Variants in LMBR1 observed in about 807,000 individuals in gnomAD.
LMBR1 encodes limb region 1 protein homolog.
In LMBR1, 52 loss-of-function variants were observed where a neutral mutation model predicts 73.9. The observed-to-expected ratio is 0.70, with a 90% CI of 0.56 to 0.89. The LOEUF is 0.89. LMBR1 is among the 40% of genes least tolerant of loss of function. The pLI is 0.00. For missense variants in LMBR1, 539 were observed against 579.8 expected (o/e 0.93, Z 0.72); for synonymous variants, 215 against 209.4 (o/e 1.03, Z -0.23).
downstream of LMBR1, chr7:156,676,424 G>C: frequency 6.2e-7 from 1 of 1,614,060 alleles, no homozygotes; most frequent in South Asian, 1.1e-5. Flanking sequence ...CGCAGGCTCT[G>C]CGCCGGGAGA....
chr7:156,801,532 T>G (rs139363966), intron 4 of LMBR1, among the ~76,000 whole-genome samples: 2 of 152,336 alleles, frequency 1.3e-5, no homozygotes, highest in African/African-American at 4.8e-5. Context: ...GTTAGGTATG[T>G]AACATAGTAG....
intron 15 of LMBR1, among the ~76,000 whole-genome samples, chr7:156,702,566 T>C (rs1810010927): frequency 6.6e-6 from 1 of 152,170 alleles, no homozygotes; most frequent in Non-Finnish European, 1.5e-5. Flanking sequence ...GTGTAGGCTG[T>C]CTGTTCACTC....
At chr7:156,863,943 A>C (rs1798082307) in intron 1 of LMBR1, among the ~76,000 whole-genome samples, 1 of 152,090 alleles carries the variant, frequency 6.6e-6, no homozygotes, top group Admixed American at 6.5e-5. Flanking sequence ...TGAGGACAGA[A>C]GTTCAAGACC....
At chr7:156,677,623 G>A (rs1426033022), downstream of LMBR1, among the ~76,000 whole-genome samples, 6 of 152,172 alleles carry the variant, frequency 3.9e-5, no homozygotes, top group Non-Finnish European at 4.4e-5. Context: ...CATGGCATGG[G>A]CTCAGAATAA....
chr7:156,873,887 C>G (rs1462680722), intron 1 of LMBR1, among the ~76,000 whole-genome samples: 3 of 152,266 alleles, frequency 2.0e-5, no homozygotes, highest in Admixed American at 6.5e-5. Context: ...AATCCCTGAG[C>G]TAGACATAAA....
At chr7:156,875,151 A>C (rs1799966400) in intron 1 of LMBR1, among the ~76,000 whole-genome samples, 1 of 152,236 alleles carries the variant, frequency 6.6e-6, no homozygotes, top group Admixed American at 6.5e-5. Flanking sequence ...AGAAATGCAA[A>C]ATTTTCTGGA....
chr7:156,736,745 G>A (rs1817946322), intron 9 of LMBR1: 2 of 334,990 alleles, frequency 6.0e-6, no homozygotes, highest in African/African-American at 4.3e-5. Flanking sequence ...CAACCAAAAT[G>A]CCTATCCACA....
At chr7:156,826,174 T>G (rs1835663213) in intron 4 of LMBR1, among the ~76,000 whole-genome samples, 1 of 152,154 alleles carries the variant, frequency 6.6e-6, no homozygotes, top group Admixed American at 6.5e-5. Context: ...GAGACAGGGT[T>G]TCTCCATGTT....
At chr7:156,699,119 G>A (rs1397342804) in intron 15 of LMBR1, among the ~76,000 whole-genome samples, 1 of 152,022 alleles carries the variant, frequency 6.6e-6, no homozygotes, top group Non-Finnish European at 1.5e-5. Context: ...CTAGGGCAGG[G>A]GCAAAATGCC....
intron 4 of LMBR1, among the ~76,000 whole-genome samples, chr7:156,825,065 AT>A (rs1205985711): frequency 6.6e-6 from 1 of 152,182 alleles, no homozygotes; most frequent in Non-Finnish European, 1.5e-5. Flanking sequence ...TAACTCAGAA[AT>A]TCCAAATTCA....
intron 4 of LMBR1, among the ~76,000 whole-genome samples, chr7:156,799,993 A>G (rs1830667180): frequency 1.3e-5 from 2 of 152,224 alleles, no homozygotes; most frequent in South Asian, 4.1e-4. Flanking sequence ...GCTCCAAAAG[A>G]AAAGTCTGAA....
At chr7:156,838,198 C>T (rs1028006972) in intron 1 of LMBR1, among the ~76,000 whole-genome samples, 2 of 152,152 alleles carry the variant, frequency 1.3e-5, no homozygotes, top group African/African-American at 4.8e-5. Flanking sequence ...TTAGCATACT[C>T]ATTACCTCAA....
chr7:156,877,088 C>A (rs532879300), intron 1 of LMBR1, among the ~76,000 whole-genome samples: 12 of 151,844 alleles, frequency 7.9e-5, no homozygotes, highest in Non-Finnish European at 1.3e-4. Flanking sequence ...GCAAGATTAA[C>A]CAAGAAAATA....
intron 9 of LMBR1, among the ~76,000 whole-genome samples, chr7:156,750,572 T>C (rs1820693303): frequency 6.6e-6 from 1 of 152,182 alleles, no homozygotes; most frequent in Admixed American, 6.5e-5. Context: ...AAGAAATCTC[T>C]CCAAGTGATT....
chr7:156,867,558 G>A (rs569979540), intron 1 of LMBR1, among the ~76,000 whole-genome samples: 68 of 152,132 alleles, frequency 4.5e-4, no homozygotes, highest in Non-Finnish European at 8.5e-4. Flanking sequence ...CCAAGTAATG[G>A]AATATTATTG....
intron 5 of LMBR1, among the ~76,000 whole-genome samples, chr7:156,780,498 C>T (rs1394151604): frequency 2.6e-5 from 4 of 152,116 alleles, no homozygotes; most frequent in Admixed American, 2.6e-4. Context: ...AATTTTTACA[C>T]ATAATTCTGA....
At chr7:156,796,548 T>C in intron 4 of LMBR1, 56 bp from the exon 5 acceptor site, 1 of 1,150,006 alleles carries the variant, frequency 8.7e-7, no homozygotes, top group South Asian at 1.5e-5. Flanking sequence ...GAAATTGTGG[T>C]ATTAATCAAG....
At chr7:156,874,541 G>A (rs1304669016) in intron 1 of LMBR1, among the ~76,000 whole-genome samples, 1 of 152,258 alleles carries the variant, frequency 6.6e-6, no homozygotes, top group Non-Finnish European at 1.5e-5. Flanking sequence ...GGGCCCCGAG[G>A]ACCGCCAGCA....
At chr7:156,741,234 G>A (rs935107338) in intron 9 of LMBR1, among the ~76,000 whole-genome samples, 27 of 152,160 alleles carry the variant, frequency 1.8e-4, no homozygotes, top group Admixed American at 1.8e-3. Context: ...AGACAGGAAG[G>A]AAAGAAGAGA....
Sources: allele counts gnomAD v4.1 joint callset (sites outside exome capture counted in the v4.1 genomes callset), GRCh38; gene constraint gnomAD v4.1.1; transcripts MANE v1.5; gene names NCBI Gene and HGNC (gene_info 2026-07-23, HGNC 2026-07-21).